FHIT: variants seen among roughly 807,000 people sequenced by gnomAD.
The protein encoded by FHIT is fragile histidine triad diadenosine triphosphatase, also known as bis(5'-adenosyl)-triphosphatase.
A neutral mutation model predicts 17.9 loss-of-function variants in FHIT; 19 were observed. The observed-to-expected ratio is 1.06, with a 90% CI of 0.74 to 1.56. The LOEUF is 1.56. Among genes scored for constraint, FHIT ranks in the 40% most tolerant of loss-of-function variants. The pLI is 0.00. For missense variants in FHIT, 248 were observed against 189.2 expected, an observed-to-expected ratio of 1.31 and a Z score of -1.82; for synonymous variants, 81 against 69.7, an observed-to-expected ratio of 1.16 and a Z score of -0.81.
chr3:60,696,165 T>C (rs1280717978), intron 4 of FHIT, among the ~76,000 whole-genome samples: 6 of 152,142 alleles, frequency 3.9e-5, no homozygotes, highest in Admixed American at 3.9e-4. Flanking sequence ...CATGGCTCTA[T>C]ATGTATGAGC....
intron 2 of FHIT, among the ~76,000 whole-genome samples, chr3:61,163,566 C>A (rs1189336689): frequency 6.6e-6 from 1 of 152,174 alleles, no homozygotes; most frequent in Non-Finnish European, 1.5e-5. Flanking sequence ...TAAAAGAAAT[C>A]TCTAGCCTTC....
intron 4 of FHIT, among the ~76,000 whole-genome samples, chr3:60,797,798 A>T (rs539584010): frequency 2.6e-5 from 4 of 151,764 alleles, no homozygotes; most frequent in African/African-American, 9.7e-5. Context: ...ATCCAGCTAC[A>T]TTGAAATGTT....
In FHIT at chr3:59,997,060, T is replaced by C. The variant is rs545179149; in HGVS notation, c.279+14311A>G. ...CATGCTCATGTTCAAAAAGCATTTA[T>C]TGAGAGCCTACTATATTCTAAGTAC... On this transcript the variant is annotated intron_variant, in intron 7 of 9. Transcript: ENST00000492590. Among the ~76,000 whole-genome samples the C allele has an allele frequency of 2.6e-3, 391 of 152,258 alleles. 2 individuals carry two copies. Among genetic ancestry groups the C allele is most frequent in the Non-Finnish European group, 3.5e-3 (235 of 68,006 alleles).
At chr3:60,908,118 G>A (rs1231892886) in intron 3 of FHIT, among the ~76,000 whole-genome samples, 4 of 152,180 alleles carry the variant, frequency 2.6e-5, no homozygotes, top group African/African-American at 9.7e-5. Flanking sequence ...TGTGCCTAAT[G>A]CAGAATTCTG....
At chr3:59,916,726 T>C (rs1189187910) in intron 8 of FHIT, among the ~76,000 whole-genome samples, 4 of 152,184 alleles carry the variant, frequency 2.6e-5, no homozygotes, top group Non-Finnish European at 4.4e-5. Flanking sequence ...AGAGCATTCA[T>C]AGATACAGAG....
chr3:60,264,384 T>C (rs1706464847), intron 5 of FHIT, among the ~76,000 whole-genome samples: 1 of 98 alleles, frequency 0.01, no homozygotes, highest in South Asian at 0.5. Flanking sequence ...ATATTACATA[T>C]AACAAGGACC....
chr3:60,036,866 A>G (rs1701239069), intron 5 of FHIT, among the ~76,000 whole-genome samples: 1 of 152,192 alleles, frequency 6.6e-6, no homozygotes, highest in African/African-American at 2.4e-5. Flanking sequence ...AATTTCCGTT[A>G]ATTTAAAGCT....
At chr3:60,085,354 G>GT (rs1703452021) in intron 5 of FHIT, among the ~76,000 whole-genome samples, 1 of 151,898 alleles carries the variant, frequency 6.6e-6, no homozygotes, top group African/African-American at 2.4e-5. Context: ...CTTTGCTTGG[G>GT]TTTTTTTCCA....
chr3:59,974,472 G>A (rs1342953548), intron 7 of FHIT, among the ~76,000 whole-genome samples: 1 of 152,090 alleles, frequency 6.6e-6, no homozygotes, highest in African/African-American at 2.4e-5. Flanking sequence ...GACTATTCCA[G>A]TGTCTATAAA....
intron 5 of FHIT, among the ~76,000 whole-genome samples, chr3:60,294,349 G>C (rs1352276150): frequency 6.6e-6 from 1 of 152,110 alleles, no homozygotes; most frequent in Admixed American, 6.6e-5. Flanking sequence ...CAGCTGGAAG[G>C]GACCTCAGAG....
chr3:59,753,292 C>A (rs1437215416), intron 8 of FHIT, among the ~76,000 whole-genome samples: 1 of 152,136 alleles, frequency 6.6e-6, no homozygotes, highest in Non-Finnish European at 1.5e-5. Context: ...GAGAAAACAA[C>A]TTACAAAAAA....
At chr3:60,079,254 T>A (rs1026307757) in intron 5 of FHIT, among the ~76,000 whole-genome samples, 38 of 152,208 alleles carry the variant, frequency 2.5e-4, no homozygotes, top group African/African-American at 8.9e-4. Flanking sequence ...GCAGAGACAA[T>A]GCTGTTCTAG....
intron 4 of FHIT, among the ~76,000 whole-genome samples, chr3:60,627,537 G>A (rs980438184): frequency 2.0e-5 from 3 of 152,004 alleles, no homozygotes; most frequent in South Asian, 2.1e-4. Flanking sequence ...ATGGAGTCTC[G>A]CTCTGCCACC....
chr3:60,474,626 ATT>A (rs111518978), intron 5 of FHIT, among the ~76,000 whole-genome samples: 3 of 145,680 alleles, frequency 2.1e-5, no homozygotes, highest in Non-Finnish European at 3.0e-5. Flanking sequence ...ACACAATACA[ATT>A]TTTTTTTTTT....
At chr3:60,463,701 T>C (rs1269838872) in intron 5 of FHIT, among the ~76,000 whole-genome samples, 3 of 152,106 alleles carry the variant, frequency 2.0e-5, no homozygotes, top group Admixed American at 6.5e-5. Context: ...GCCCAGAAAA[T>C]AGACATGGTT....
intron 3 of FHIT, among the ~76,000 whole-genome samples, chr3:61,027,739 T>C (rs563393188): frequency 2.0e-5 from 3 of 152,320 alleles, no homozygotes; most frequent in Non-Finnish European, 4.4e-5. Context: ...GTTGCAAACA[T>C]AGACTGGCTA....
chr3:61,245,712 T>C (rs2040473141), intron 1 of FHIT, among the ~76,000 whole-genome samples: 1 of 152,176 alleles, frequency 6.6e-6, no homozygotes, highest in South Asian at 2.1e-4. Flanking sequence ...AAATAAAAAT[T>C]GTATATGTTT....
intron 5 of FHIT, among the ~76,000 whole-genome samples, chr3:60,127,509 C>T (rs1359861369): frequency 1.3e-5 from 2 of 152,164 alleles, no homozygotes; most frequent in Non-Finnish European, 1.5e-5. Context: ...ATATGAACCT[C>T]ATTCATATTC....
In FHIT at chr3:60,132,450, A is replaced by G. The variant is rs188867859; in HGVS notation, c.104-118298T>C. Among the ~76,000 whole-genome samples, 135 of 152,260 alleles carry G rather than the reference A, an allele frequency of 8.9e-4. 7 individuals carry two copies. The East Asian group carries it at 0.016, about 18-fold the overall frequency. ...AAAGTAAACCATTTGAAAAGGGGGGAAAAATTATAAGGCTAGCAAAAGTTA... is the reference window on the plus strand; with the variant it reads ...AAAGTAAACCATTTGAAAAGGGGGGGAAAATTATAAGGCTAGCAAAAGTTA... On this transcript the variant is annotated intron_variant, in intron 5 of 9. Transcript: ENST00000492590.
Sources: gnomAD v4.1 joint callset for allele counts (sites outside exome capture counted in the v4.1 genomes callset) on GRCh38, gnomAD v4.1.1 for gene constraint, MANE v1.5 for transcripts, NCBI Gene and HGNC (gene_info 2026-07-23, HGNC 2026-07-21) for gene names.